KCNMB4: variants seen among roughly 807,000 people sequenced by gnomAD.
The protein encoded by KCNMB4 is potassium calcium-activated channel subfamily M regulatory beta subunit 4, also known as calcium-activated potassium channel subunit beta-4.
Under a neutral mutation model 20.7 loss-of-function variants are expected in KCNMB4, and 3 were observed. The observed-to-expected ratio is 0.14, with a 90% CI of 0.07 to 0.37. KCNMB4 has a LOEUF of 0.37. KCNMB4 is among the 10% of genes least tolerant of loss of function. KCNMB4 has a pLI of 1.00. For synonymous variants in KCNMB4, 110 were observed against 113.4 expected, an observed-to-expected ratio of 0.97 and a Z score of 0.19; for missense variants, 168 against 265.9, an observed-to-expected ratio of 0.63 and a Z score of 2.56.
chr12:70,388,123 C>T (rs1052195523), intron 1 of KCNMB4, among the ~76,000 whole-genome samples: 2 of 152,054 alleles, frequency 1.3e-5, no homozygotes, highest in Non-Finnish European at 2.9e-5. Context: ...TAATGATCTC[C>T]AGTTCCGTCC....
At chr12:70,391,543 C>T (rs1179039764) in intron 1 of KCNMB4, among the ~76,000 whole-genome samples, 1 of 152,158 alleles carries the variant, frequency 6.6e-6, no homozygotes, top group Non-Finnish European at 1.5e-5. Flanking sequence ...TGGGTTCAAG[C>T]AGTCCCCCTG....
At chr12:70,425,289 T>A (rs1006913051) in intron 2 of KCNMB4, among the ~76,000 whole-genome samples, 1 of 151,346 alleles carries the variant, frequency 6.6e-6, no homozygotes, top group Non-Finnish European at 1.5e-5. Context: ...ACAAAAAAAA[T>A]TAGCCAGGTG....
intron 1 of KCNMB4, among the ~76,000 whole-genome samples, chr12:70,390,471 G>T (rs1423775211): frequency 6.6e-6 from 1 of 152,186 alleles, no homozygotes; most frequent in Non-Finnish European, 1.5e-5. Flanking sequence ...AAGGAGAATA[G>T]TCACTTGCCA....
At chr12:70,405,644 C>G (rs1868578968) in intron 2 of KCNMB4, among the ~76,000 whole-genome samples, 1 of 152,108 alleles carries the variant, frequency 6.6e-6, no homozygotes, top group South Asian at 2.1e-4. Flanking sequence ...GGTATTTCTC[C>G]AAAAGACTTG....
chr12:70,430,825 T>C lies in KCNMB4; in HGVS notation c.*172T>C, dbSNP rs892473532. 1.7e-6 allele frequency: 1 copy of C among 578,372 alleles called. No homozygotes were observed. Among genetic ancestry groups the C allele is most frequent in the Non-Finnish European group, 2.9e-6 (1 of 347,458 alleles). The allele number at this position is 578,372 out of a possible 1,614,324, so 35.8% of individuals were successfully genotyped here. ...AGGCACAACTGGAAGACTTGGAACC[T>C]CAAAGCTTGTATTCCATCTGCTGTA... On this transcript the variant is annotated 3_prime_UTR_variant, in exon 3 of 3. Transcript: ENST00000258111.
chr12:70,384,827 C>A (rs561013023), intron 1 of KCNMB4, among the ~76,000 whole-genome samples: 10 of 130,624 alleles, frequency 7.7e-5, no homozygotes, highest in Non-Finnish European at 9.2e-5. Flanking sequence ...TGAGCTATGA[C>A]TATGTCGCTG....
At chr12:70,397,473 T>G (rs542496140) in intron 1 of KCNMB4, among the ~76,000 whole-genome samples, 7 of 152,342 alleles carry the variant, frequency 4.6e-5, no homozygotes, top group African/African-American at 1.4e-4. Flanking sequence ...TACTCAAATT[T>G]TGATCTCAGA....
At chr12:70,368,896 A>T (rs1209188598) in intron 1 of KCNMB4, among the ~76,000 whole-genome samples, 1 of 152,184 alleles carries the variant, frequency 6.6e-6, no homozygotes, top group Non-Finnish European at 1.5e-5. Flanking sequence ...AATTGAAATC[A>T]TTGGGACGTT....
intron 1 of KCNMB4, among the ~76,000 whole-genome samples, chr12:70,387,143 T>G (rs1593328295): frequency 6.6e-6 from 1 of 151,992 alleles, no homozygotes; most frequent in Non-Finnish European, 1.5e-5. Context: ...TATTGCTTTC[T>G]TAAGCTTTTA....
chr12:70,407,236 A>G (rs1273485483), intron 2 of KCNMB4, among the ~76,000 whole-genome samples: 1 of 152,102 alleles, frequency 6.6e-6, no homozygotes, highest in Non-Finnish European at 1.5e-5. Flanking sequence ...CAACTCAGGA[A>G]CTGCCAGATG....
intron 2 of KCNMB4, among the ~76,000 whole-genome samples, chr12:70,414,537 C>A (rs550936485): frequency 1.3e-5 from 2 of 152,270 alleles, no homozygotes; most frequent in South Asian, 4.1e-4. Flanking sequence ...TTGTTCTCAT[C>A]ATTTGGGATG....
intron 1 of KCNMB4, among the ~76,000 whole-genome samples, chr12:70,380,468 C>T (rs1268369662): frequency 6.6e-6 from 1 of 152,028 alleles, no homozygotes; most frequent in Non-Finnish European, 1.5e-5. Flanking sequence ...AAAATGGTGC[C>T]AATGGACTTG....
At chr12:70,425,393 G>C (rs937184430) in intron 2 of KCNMB4, among the ~76,000 whole-genome samples, 1 of 152,124 alleles carries the variant, frequency 6.6e-6, no homozygotes, top group Non-Finnish European at 1.5e-5. Flanking sequence ...AGCCGAGATC[G>C]GGCCATTGCA....
intron 1 of KCNMB4, among the ~76,000 whole-genome samples, chr12:70,381,217 A>C (rs1270274538): frequency 6.6e-6 from 1 of 152,246 alleles, no homozygotes; most frequent in Non-Finnish European, 1.5e-5. Context: ...CAGATCCATT[A>C]GAATGGCTGT....
At chr12:70,400,147 A>C in intron 1 of KCNMB4, 62 bp from the exon 2 acceptor site, 1 of 1,304,848 alleles carries the variant, frequency 7.7e-7, no homozygotes, top group South Asian at 1.8e-5. Context: ...TTCTATAAAA[A>C]AAGACTGTAT....
intron 2 of KCNMB4, among the ~76,000 whole-genome samples, chr12:70,425,265 T>C (rs1297990924): frequency 1.3e-5 from 2 of 151,694 alleles, no homozygotes; most frequent in Non-Finnish European, 2.9e-5. Context: ...TGAAACCCCG[T>C]CTCTACTAAA....
intron 2 of KCNMB4, among the ~76,000 whole-genome samples, chr12:70,407,117 C>A (rs1226591675): frequency 6.6e-6 from 1 of 152,152 alleles, no homozygotes; most frequent in East Asian, 1.9e-4. Context: ...GTACTTCTGG[C>A]TGACCTTCTC....
rs950279532 is a variant in KCNMB4, at chr12:70,421,486, A to C, written c.465-8999A>C. Reference sequence around the variant, plus strand: ...CTCAAAAAAGAAAAAAAAAAAAAAAAAAAAAAACTTTTCCCATACATACCC... The same window carrying C: ...CTCAAAAAAGAAAAAAAAAAAAAAACAAAAAAACTTTTCCCATACATACCC... On this transcript the variant is annotated intron_variant, in intron 2 of 2. Coordinates refer to ENST00000258111, the MANE Select transcript of KCNMB4 (RefSeq NM_014505.6). 5.9e-5 allele frequency among the ~76,000 whole-genome samples: 9 copies of C among 151,562 alleles called. 1 individual carries two copies. Among genetic ancestry groups the C allele is most frequent in the Admixed American group, 5.3e-4 (8 of 15,232 alleles).
In KCNMB4 at chr12:70,377,467, T is replaced by C. The variant is rs116194411; in HGVS notation, c.336+10397T>C. Among the ~76,000 whole-genome samples, 515 of 152,356 alleles carry C rather than the reference T, an allele frequency of 3.4e-3. 2 individuals carry two copies. The highest frequency in any genetic ancestry group is 0.011 in the African/African-American group (458 of 41,570). ...TATTACTGAAAAATGCTAGTAATGA[T>C]CTGAGCATTTAGAAAGTCATAATCA... On this transcript the variant is annotated intron_variant, in intron 1 of 2. Transcript: ENST00000258111.
Sources: gnomAD v4.1 joint callset for allele counts (sites outside exome capture counted in the v4.1 genomes callset) on GRCh38, gnomAD v4.1.1 for gene constraint, MANE v1.5 for transcripts, NCBI Gene and HGNC (gene_info 2026-07-23, HGNC 2026-07-21) for gene names.